Variants in LNX1 observed in about 807,000 individuals in gnomAD.
LNX1 encodes E3 ubiquitin-protein ligase LNX.
Under a neutral mutation model 68.4 loss-of-function variants are expected in LNX1, and 54 were observed. The ratio of observed to expected loss-of-function variants is 0.79; its 90% confidence interval spans 0.63 to 0.99. The LOEUF (loss-of-function observed/expected upper bound fraction) is 0.99, where lower values mean the gene tolerates loss of function less well. LNX1 is among the 50% of genes least tolerant of loss of function. The probability of loss-of-function intolerance (pLI) is 0.00; values close to 1 mark genes in which losing one functional copy is unlikely to be tolerated. For missense variants in LNX1, 906 were observed against 926.4 expected, an observed-to-expected ratio of 0.98 and a Z score of 0.29; for synonymous variants, 336 against 350.0, an observed-to-expected ratio of 0.96 and a Z score of 0.45.
chr4:53,535,135 TAG>T (rs1325582547), intron 2 of LNX1, among the ~76,000 whole-genome samples: 6 of 152,232 alleles, frequency 3.9e-5, no homozygotes, highest in African/African-American at 1.2e-4. Context: ...CATAAAGGTT[TAG>T]ACTTTTTTAA....
intron 2 of LNX1, among the ~76,000 whole-genome samples, chr4:53,598,143 T>A (rs919411317): frequency 6.6e-6 from 1 of 152,154 alleles, no homozygotes; most frequent in African/African-American, 2.4e-5. Flanking sequence ...ACCATCTCCT[T>A]TATAGGACCT....
At position 53,461,496 on chromosome 4, in the gene LNX1, T is replaced by C. The variant is rs376275145; in HGVS notation, c.1990A>G (p.Lys664Glu). The change falls in exon 10 of 11, where the codon AAA becomes GAA. Residue 664 changes from lysine (K) to glutamate (E), a missense_variant. By Grantham distance (56) the Lys-to-Glu change is moderately conservative. Transcript: ENST00000263925. ...ACAATGGATTTGATGAAAAAAGGTT[T>C]GTTTCCATTGTATTCTTCATAACCT... ...VGGYEEYNGNKPFFIKSIVEG... is the reference protein window; with the variant it reads ...VGGYEEYNGNEPFFIKSIVEG... The C allele has an allele frequency of 1.2e-6, 2 of 1,612,470 alleles. No homozygotes were observed. The highest frequency in any genetic ancestry group is 1.7e-6 in the Non-Finnish European group (2 of 1,178,998).
At chr4:53,471,431 A>G (rs1414690569) in intron 9 of LNX1, among the ~76,000 whole-genome samples, 8 of 152,126 alleles carry the variant, frequency 5.3e-5, no homozygotes, top group Non-Finnish European at 1.0e-4. Context: ...ATAGGCATGG[A>G]CAAGGACTTC....
intron 2 of LNX1, among the ~76,000 whole-genome samples, chr4:53,532,215 C>T (rs1337195220): frequency 5.9e-5 from 9 of 152,214 alleles, no homozygotes; most frequent in Non-Finnish European, 1.3e-4. Flanking sequence ...GTGGCTCATG[C>T]CTATAATCCC....
At chr4:53,509,916 T>C (rs976935454) in intron 2 of LNX1, among the ~76,000 whole-genome samples, 42 of 152,194 alleles carry the variant, frequency 2.8e-4, no homozygotes, top group African/African-American at 9.9e-4. Flanking sequence ...TATTACACCA[T>C]TGAGTTTAAT....
intron 2 of LNX1, among the ~76,000 whole-genome samples, chr4:53,601,305 G>A (rs1226390403): frequency 3.3e-5 from 5 of 152,180 alleles, no homozygotes; most frequent in African/African-American, 4.8e-5. Context: ...AGGGTGGCCA[G>A]ACTGGTCCTT....
At chr4:53,642,256 G>C (rs942874351) in intron 1 of LNX1, among the ~76,000 whole-genome samples, 2 of 148,440 alleles carry the variant, frequency 1.3e-5, no homozygotes, top group Non-Finnish European at 3.0e-5. Flanking sequence ...GGTCAAAGCA[G>C]GCCCAGACCA....
intron 2 of LNX1, among the ~76,000 whole-genome samples, chr4:53,566,863 A>C: frequency 6.6e-6 from 1 of 151,720 alleles, no homozygotes. Flanking sequence ...TCTCTGATAA[A>C]ACAGACTTTA....
chr4:53,553,526 C>T (rs1286162931), intron 2 of LNX1, among the ~76,000 whole-genome samples: 1 of 152,226 alleles, frequency 6.6e-6, no homozygotes, highest in African/African-American at 2.4e-5. Flanking sequence ...TCTCCACATG[C>T]AGGGCTGTAA....
chr4:53,538,723 G>C (rs1325379972), intron 2 of LNX1, among the ~76,000 whole-genome samples: 1 of 152,268 alleles, frequency 6.6e-6, no homozygotes, highest in African/African-American at 2.4e-5. Context: ...CAGGTGTTCA[G>C]GTCACTGGGG....
At chr4:53,493,887 C>A (rs962586600) in intron 6 of LNX1, among the ~76,000 whole-genome samples, 1 of 152,200 alleles carries the variant, frequency 6.6e-6, no homozygotes, top group African/African-American at 2.4e-5. Flanking sequence ...AAGATCATGC[C>A]ATTTCCTTTC....
chr4:53,524,378 C>T (rs748520469), intron 2 of LNX1: 6 of 152,090 alleles, frequency 3.9e-5, no homozygotes, highest in Non-Finnish European at 8.8e-5. Context: ...CCTGTACTAC[C>T]ATTTCACACA....
intron 1 of LNX1, among the ~76,000 whole-genome samples, chr4:53,648,221 C>G (rs762401059): frequency 6.6e-6 from 1 of 152,252 alleles, no homozygotes; most frequent in Non-Finnish European, 1.5e-5. Context: ...TTTCCATCAA[C>G]AGTGCACAAG....
intron 6 of LNX1, among the ~76,000 whole-genome samples, chr4:53,482,241 G>C (rs1450732916): frequency 4.6e-5 from 7 of 152,172 alleles, no homozygotes; most frequent in African/African-American, 1.7e-4. Flanking sequence ...AAAGATCTAA[G>C]ATCAATGGTA....
At chr4:53,568,028 C>T (rs1380441254) in intron 2 of LNX1, among the ~76,000 whole-genome samples, 4 of 152,002 alleles carry the variant, frequency 2.6e-5, no homozygotes, top group Admixed American at 6.6e-5. Flanking sequence ...AAAAGGAGTC[C>T]AGGACCAGAT....
At chr4:53,494,734 T>A (rs1248709908) in intron 6 of LNX1, among the ~76,000 whole-genome samples, 3 of 152,336 alleles carry the variant, frequency 2.0e-5, no homozygotes, top group Non-Finnish European at 2.9e-5. Flanking sequence ...CAGGGGTACA[T>A]AAGCAGCAGA....
In LNX1 at chr4:53,523,431, C is replaced by T. The variant is rs112787861; in HGVS notation, c.381-15204G>A. ...CCTCCTGAGTAGTTGGGACTACAGGCGTGCACCACCACGCCTGGCTTATTT... is the reference window on the plus strand; with the variant it reads ...CCTCCTGAGTAGTTGGGACTACAGGTGTGCACCACCACGCCTGGCTTATTT... On this transcript the variant is annotated intron_variant, in intron 2 of 10. Transcript: ENST00000263925. Among the ~76,000 whole-genome samples the T allele has an allele frequency of 8.2e-3, 1,255 of 152,234 alleles. 19 individuals carry two copies. The highest frequency in any genetic ancestry group is 0.028 in the African/African-American group (1,181 of 41,538).
At chr4:53,496,978 T>C (rs771537117) in intron 5 of LNX1, among the ~76,000 whole-genome samples, 12 of 152,162 alleles carry the variant, frequency 7.9e-5, no homozygotes, top group Non-Finnish European at 1.2e-4. Context: ...TGTGTGCGGA[T>C]GGGAATGTGT....
In LNX1 at chr4:53,459,438, C is replaced by A; in HGVS notation, c.*1469G>T. On this transcript the variant is annotated 3_prime_UTR_variant, in exon 11 of 11. Coordinates refer to ENST00000263925, the MANE Select transcript of LNX1 (RefSeq NM_001126328.3). The stretch of plus-strand genomic sequence containing the variant: ...TGAACAGGAGAGCACCGAAGCTACA[C>A]CTGCAGAATAGGCATGGTTTTGGCC... 6.2e-7 allele frequency: 1 copy of A among 1,613,558 alleles called. No individual in the cohort carries two copies. The highest frequency in any genetic ancestry group is 8.5e-7 in the Non-Finnish European group (1 of 1,179,630).
Sources: allele counts gnomAD v4.1 joint callset (sites outside exome capture counted in the v4.1 genomes callset), GRCh38; gene constraint gnomAD v4.1.1; transcripts MANE v1.5; gene names NCBI Gene and HGNC (gene_info 2026-07-23, HGNC 2026-07-21).